The following DDX25 variants were observed in gnomAD, a reference collection of about 807,000 sequenced individuals.
DDX25 encodes ATP-dependent RNA helicase DDX25.
DDX25 carries 70 observed loss-of-function variants against 64.6 expected under a neutral mutation model. That is an observed-to-expected ratio of 1.08 (90% CI 0.89 to 1.32). DDX25 has a LOEUF of 1.32. DDX25 is among the 40% of genes most tolerant of loss of function. The pLI, the probability that DDX25 is intolerant of heterozygous loss-of-function variation, is 0.00. For synonymous variants in DDX25, 211 were observed against 213.3 expected, an observed-to-expected ratio of 0.99 and a Z score of 0.09; for missense variants, 587 against 604.4, an observed-to-expected ratio of 0.97 and a Z score of 0.30.
rs1565463551 is a variant in DDX25, at chr11:125,908,450, G to T, written c.454G>T (p.Ala152Ser). ...CCAGTCTGGAACAGGAAAGACAGCG[G>T]CATTTGTGTTGGCAATGTTAAGCAG... is the stretch of plus-strand genomic sequence containing the variant. ...QSQSGTGKTA[A>S]FVLAMLSRVN... Residue 152 changes from alanine (A) to serine (S), a missense_variant, in exon 6 of 12, where the codon GCA becomes TCA. By Grantham distance (99) the Ala-to-Ser change is moderately conservative (BLOSUM62 1). Transcript: ENST00000263576. 1 of 1,613,960 alleles carries T rather than the reference G, an allele frequency of 6.2e-7. No homozygotes were observed. Among genetic ancestry groups the T allele is most frequent in the Non-Finnish European group, 8.5e-7 (1 of 1,179,874 alleles).
chr11:125,904,970 C>G (rs1028767535), intron 1 of DDX25, among the ~76,000 whole-genome samples: 18 of 152,172 alleles, frequency 1.2e-4, no homozygotes, highest in Non-Finnish European at 1.5e-4. Context: ...TACTGCCCAA[C>G]TCTAAACTAG....
chr11:125,904,002 G>T (rs957517244), upstream of DDX25, among the ~76,000 whole-genome samples: 5 of 152,202 alleles, frequency 3.3e-5, no homozygotes, highest in Admixed American at 6.5e-5. Context: ...CTTCCTTTCC[G>T]CAACTGTGGC....
At chr11:125,916,942 C>A in intron 8 of DDX25, 72 bp from the exon 9 acceptor site, 1 of 1,410,752 alleles carries the variant, frequency 7.1e-7, no homozygotes, top group Non-Finnish European at 9.8e-7. Context: ...CGGCTGATGG[C>A]AGTGGCATGA....
upstream of DDX25, among the ~76,000 whole-genome samples, chr11:125,903,728 T>C (rs1056415882): frequency 1.2e-5 from 1 of 80,840 alleles, no homozygotes; most frequent in Non-Finnish European, 2.2e-5. Context: ...GATCAAAATC[T>C]CAAAATTACA....
Position 125,927,334 on chromosome 11 carries a change from C to G in DDX25, c.*4453C>G, listed in dbSNP as rs1945176331. On this transcript the variant is annotated 3_prime_UTR_variant, in exon 12 of 12. Transcript: ENST00000263576. ...CCAGTTTATCAGCCTTCCATCTCTG[C>G]TGAGGTAGAAACAGCCAGAGGCTCT... is the stretch of plus-strand genomic sequence containing the variant. The G allele has an allele frequency of 1.2e-5, 1 of 81,806 alleles. No individual in the cohort carries two copies. The highest frequency in any genetic ancestry group is 3.9e-4 in the South Asian group (1 of 2,582). The allele number at this position is 81,806 out of a possible 1,614,324, so 5.1% of individuals were successfully genotyped here. A position where few individuals can be genotyped will look rare whatever the true frequency, so the allele number is the denominator to read the frequency against.
chr11:125,907,471 G>T lies in DDX25; in HGVS notation c.312-725G>T, dbSNP rs549535827. Among the ~76,000 whole-genome samples, 5 of 152,162 alleles carry T rather than the reference G, an allele frequency of 3.3e-5. No homozygotes were observed. The South Asian group carries it at 1.0e-3, about 32-fold the overall frequency. Reference sequence around the variant, plus strand: ...AAAATACAAAAAATTAGCCAGGTGTGGTGGCGGGCGCCTGTAGTCCTAGCT... The same window carrying T: ...AAAATACAAAAAATTAGCCAGGTGTTGTGGCGGGCGCCTGTAGTCCTAGCT... On this transcript the variant is annotated intron_variant, in intron 4 of 11. Coordinates refer to ENST00000263576, the MANE Select transcript of DDX25 (RefSeq NM_013264.5).
At chr11:125,920,070 G>A (rs1340913214) in intron 10 of DDX25, among the ~76,000 whole-genome samples, 1 of 152,218 alleles carries the variant, frequency 6.6e-6, no homozygotes, top group Non-Finnish European at 1.5e-5. Context: ...CGGACAGCTT[G>A]TTAATGTTGA....
At chr11:125,916,968 G>A (rs758602872) in intron 8 of DDX25, 46 bp from the exon 9 acceptor site, 13 of 1,535,934 alleles carry the variant, frequency 8.5e-6, no homozygotes, top group Middle Eastern at 3.4e-4. Context: ...TTGAAGAAGA[G>A]TGATGGGATG....
At chr11:125,910,539 C>T in intron 7 of DDX25, 61 bp downstream of exon 7, 1 of 1,428,402 alleles carries the variant, frequency 7.0e-7, no homozygotes, top group Non-Finnish European at 9.9e-7. Context: ...CACGAATAAG[C>T]ATTTTATATA....
rs79585111 is a variant in DDX25, at chr11:125,909,456, A to T, written c.508-908A>T. Among the ~76,000 whole-genome samples, 679 of 152,206 alleles carry T rather than the reference A, an allele frequency of 4.5e-3. 2 individuals are homozygous for T. The highest frequency in any genetic ancestry group is 0.015 in the African/African-American group (622 of 41,528). On this transcript the variant is annotated intron_variant, in intron 6 of 11. Coordinates refer to ENST00000263576, the MANE Select transcript of DDX25 (RefSeq NM_013264.5). ...ATTGACACATATAAGTGCATTAGAT[A>T]TTACCGTTTTTTTCCATCAGCATCT...
rs775584858 is a variant in DDX25, at chr11:125,918,793, G to A, written c.1201+3G>A. 16 of 1,562,364 alleles carry A rather than the reference G, an allele frequency of 1.0e-5. No individual in the cohort carries two copies. The East Asian group carries it at 3.3e-4, about 33-fold the overall frequency. Reference sequence around the variant, plus strand: ...AACAACTAATGTTTGTGCCCGAGGTGTGTGTTAAAAGTCAGGTCTTGAGTT... The same window carrying A: ...AACAACTAATGTTTGTGCCCGAGGTATGTGTTAAAAGTCAGGTCTTGAGTT... On this transcript the variant is annotated splice_donor_region_variant and intron_variant, in intron 10 of 11. Transcript: ENST00000263576.
At chr11:125,916,969 T>C in intron 8 of DDX25, 45 bp from the exon 9 acceptor site, 1 of 1,535,094 alleles carries the variant, frequency 6.5e-7, no homozygotes, top group Non-Finnish European at 8.8e-7. Flanking sequence ...TGAAGAAGAG[T>C]GATGGGATGG....
rs1195722391 is a variant in DDX25 at position 125,904,563 on chromosome 11, G to T, written c.46G>T (p.Glu16Ter). ...AGGCGACGCAGGGGCGGCGGAGAGC[G>T]AGCGGCTGAACAGCCACGTAACCGC... ...WGGDAGAAES[E>*]RLNSHFSNLS... is the part of the protein sequence containing the mutation. Residue 16 changes from glutamate to a stop codon, truncating the protein, a stop_gained, in exon 1 of 12, where the codon GAG becomes TAG. Transcript: ENST00000263576. LOFTEE classifies it high-confidence loss of function. 16 of 1,495,298 alleles carry T rather than the reference G, an allele frequency of 1.1e-5. No individual in the cohort carries two copies. Among genetic ancestry groups the T allele is most frequent in the Non-Finnish European group, 3.6e-6 (4 of 1,122,868 alleles). The allele number at this position is 1,495,298 out of a possible 1,614,324, so 92.6% of individuals were successfully genotyped here. A position where few individuals can be genotyped will look rare whatever the true frequency, so the allele number is the denominator to read the frequency against.
At chr11:125,910,157 C>A (rs902899609) in intron 6 of DDX25, among the ~76,000 whole-genome samples, 1 of 152,062 alleles carries the variant, frequency 6.6e-6, no homozygotes, top group African/African-American at 2.4e-5. Flanking sequence ...GCTGTTTCTC[C>A]ATTCCTTGGC....
chr11:125,906,206 G>C lies in DDX25; in HGVS notation c.308G>C (p.Arg103Pro). ...LYSVKTFEEL[R>P]LKEELLKGIY... ...TCAGTAAAGACATTTGAAGAGCTGC[G>C]GCTGTGAGTATTTTTACTCTTTTAA... The change falls in exon 4 of 12, where the codon CGG becomes CCG. Residue 103 changes from arginine (R) to proline (P), a missense_variant. By Grantham distance (103) the Arg-to-Pro change is moderately radical (BLOSUM62 -2). Transcript: ENST00000263576. 6.5e-7 allele frequency: 1 copy of C among 1,534,422 alleles called. No individual in the cohort carries two copies. The highest frequency in any genetic ancestry group is 8.8e-7 in the Non-Finnish European group (1 of 1,142,504).
Position 125,911,344 on chromosome 11 carries a change from T to C in DDX25, c.656T>C (p.Ile219Thr). 3 of 1,613,600 alleles carry C rather than the reference T, an allele frequency of 1.9e-6. No homozygotes were observed. Among genetic ancestry groups the C allele is most frequent in the South Asian group, 1.1e-5 (1 of 90,934 alleles). The stretch of plus-strand genomic sequence containing the variant: ...GGCACCGACATCACTAAACAGATTA[T>C]AATTGGCACTCCTGGGACTGTCCTA... ...PRGTDITKQI[I>T]IGTPGTVLDW... The change falls in exon 8 of 12, where the codon ATA (isoleucine) becomes ACA (threonine). Residue 219 changes from isoleucine (I) to threonine (T), a missense_variant. Coordinates refer to ENST00000263576, the MANE Select transcript of DDX25 (RefSeq NM_013264.5).
At chr11:125,907,874 T>C (rs1944915273) in intron 4 of DDX25, among the ~76,000 whole-genome samples, 1 of 152,224 alleles carries the variant, frequency 6.6e-6, no homozygotes. Context: ...AGGCAGAAAA[T>C]ATAACTCTCT....
chr11:125,917,038 G>A lies in DDX25; in HGVS notation c.825G>A (p.Met275Ile), dbSNP rs1156584393. The part of the protein sequence containing the change: ...IQRALPSECQ[M>I]LLFSATFEDS... ...GAGCTCTACCCTCCGAATGCCAAAT[G>A]CTCCTCTTTTCAGCAACCTTTGAGG... is the stretch of plus-strand genomic sequence containing the variant. Residue 275 changes from methionine to isoleucine, a missense_variant, in exon 9 of 12, where the codon ATG (methionine) becomes ATA (isoleucine). Coordinates refer to ENST00000263576, the MANE Select transcript of DDX25 (RefSeq NM_013264.5). 1.9e-6 allele frequency: 3 copies of A among 1,602,782 alleles called. No homozygotes were observed.
intron 11 of DDX25, chr11:125,922,434 G>A (rs1945127168): frequency 5.5e-6 from 1 of 183,404 alleles, no homozygotes; most frequent in Non-Finnish European, 1.1e-5. Context: ...ACCTTTCAGG[G>A]AAGTAGGTTA....
Sources: gnomAD v4.1 joint callset for allele counts (sites outside exome capture counted in the v4.1 genomes callset) on GRCh38, gnomAD v4.1.1 for gene constraint, MANE v1.5 for transcripts, NCBI Gene and HGNC (gene_info 2026-07-23, HGNC 2026-07-21) for gene names.